Variants in TMOD2 observed in about 807,000 individuals in gnomAD.
The protein encoded by TMOD2 is tropomodulin 2.
In TMOD2, 22 loss-of-function variants were observed where a neutral mutation model predicts 39.9. The ratio of observed to expected loss-of-function variants is 0.55; its 90% confidence interval spans 0.39 to 0.79. The LOEUF (loss-of-function observed/expected upper bound fraction) is 0.79. Among genes scored for constraint, TMOD2 ranks in the 30% least tolerant of loss-of-function variants. The probability of loss-of-function intolerance (pLI) is 0.00; values close to 1 mark genes in which losing one functional copy is unlikely to be tolerated. For synonymous variants in TMOD2, 123 were observed against 146.1 expected, an observed-to-expected ratio of 0.84 and a Z score of 1.14; for missense variants, 386 against 413.3, an observed-to-expected ratio of 0.93 and a Z score of 0.57.
chr15:51,793,210 C>G (rs185867214), intron 7 of TMOD2, among the ~76,000 whole-genome samples: 82 of 152,262 alleles, frequency 5.4e-4, no homozygotes, highest in Admixed American at 4.8e-3. Flanking sequence ...ATAGCCTCAT[C>G]ATAAGTCAAG....
intron 7 of TMOD2, among the ~76,000 whole-genome samples, chr15:51,786,791 A>T (rs545158750): frequency 6.6e-6 from 1 of 152,250 alleles, no homozygotes; most frequent in South Asian, 2.1e-4. Flanking sequence ...GTTATTTACA[A>T]TGATGCCACA....
intron 7 of TMOD2, among the ~76,000 whole-genome samples, chr15:51,797,629 C>G (rs574883766): frequency 6.6e-6 from 1 of 152,054 alleles, no homozygotes; most frequent in Non-Finnish European, 1.5e-5. Flanking sequence ...GGCAGGTGCC[C>G]GTGTGCAGTC....
At chr15:51,769,028 G>T (rs1313969820) in intron 3 of TMOD2, among the ~76,000 whole-genome samples, 1 of 152,240 alleles carries the variant, frequency 6.6e-6, no homozygotes, top group African/African-American at 2.4e-5. Flanking sequence ...GTCCATGATG[G>T]TTCATCAGTT....
At chr15:51,768,487 C>T in intron 3 of TMOD2, 69 bp downstream of exon 3, 3 of 1,442,626 alleles carry the variant, frequency 2.1e-6, no homozygotes, top group Non-Finnish European at 2.8e-6. Context: ...CGGAGGCACT[C>T]TTAATTAAGA....
At chr15:51,769,053 G>A (rs945920220) in intron 3 of TMOD2, among the ~76,000 whole-genome samples, 6 of 152,228 alleles carry the variant, frequency 3.9e-5, no homozygotes, top group Admixed American at 1.3e-4. Flanking sequence ...TATAAGTATC[G>A]CTATGGTATA....
At chr15:51,786,966 T>C (rs1488137446) in intron 7 of TMOD2, among the ~76,000 whole-genome samples, 1 of 152,180 alleles carries the variant, frequency 6.6e-6, no homozygotes, top group East Asian at 1.9e-4. Context: ...TTCATCTCAC[T>C]GGGACTGGTT....
At chr15:51,768,564 G>C (rs1170777608) in intron 3 of TMOD2, 146 bp downstream of exon 3, 65 of 874,686 alleles carry the variant, frequency 7.4e-5, no homozygotes, top group Non-Finnish European at 1.0e-4. Flanking sequence ...TGGGAAATAA[G>C]CCCATGAATT....
chr15:51,778,008 A>G (rs2055900678), intron 5 of TMOD2, among the ~76,000 whole-genome samples: 1 of 151,568 alleles, frequency 6.6e-6, no homozygotes. Context: ...AAGGACTATA[A>G]ATCATGCTGC....
intron 7 of TMOD2, among the ~76,000 whole-genome samples, chr15:51,795,393 C>G (rs2056041032): frequency 6.6e-6 from 1 of 151,236 alleles, no homozygotes; most frequent in South Asian, 2.1e-4. Flanking sequence ...CCACTGCACT[C>G]CAGCCTGGGC....
In TMOD2 at chr15:51,773,827, T is replaced by C; in HGVS notation, c.399T>C (p.Asp133=). The C allele has an allele frequency of 6.2e-7, 1 of 1,608,854 alleles. No homozygotes were observed. Among genetic ancestry groups the C allele is most frequent in the Non-Finnish European group, 8.5e-7 (1 of 1,178,302 alleles). ...GTGCCTCTGACACCGAACTCTATGA[T>C]CTTGCAGGTTAGTCCTGAACTCTGG... ...LASASDTELY[D]LAAVLGVHNL... is the part of the protein sequence containing the mutation. Residue 133 remains aspartate (D), a synonymous_variant, in exon 4 of 10, where the codon GAT becomes GAC. Coordinates refer to ENST00000249700, the MANE Select transcript of TMOD2 (RefSeq NM_014548.4).
chr15:51,794,854 T>C (rs2056037078), intron 7 of TMOD2, among the ~76,000 whole-genome samples: 1 of 152,214 alleles, frequency 6.6e-6, no homozygotes, highest in Non-Finnish European at 1.5e-5. Context: ...ATTGTAGATA[T>C]TCCATTATTT....
intron 9 of TMOD2, among the ~76,000 whole-genome samples, chr15:51,807,513 C>T (rs2056128733): frequency 6.6e-6 from 1 of 152,128 alleles, no homozygotes. Context: ...AAGGGACAGA[C>T]AGGCAAATAG....
intron 7 of TMOD2, among the ~76,000 whole-genome samples, chr15:51,789,241 C>G (rs2055992593): frequency 6.6e-6 from 1 of 152,086 alleles, no homozygotes; most frequent in African/African-American, 2.4e-5. Flanking sequence ...TTTAAACTAA[C>G]AAAGATCAAA....
At chr15:51,760,238 G>A (rs544602134) in intron 1 of TMOD2, among the ~76,000 whole-genome samples, 1 of 152,328 alleles carries the variant, frequency 6.6e-6, no homozygotes, top group Admixed American at 6.5e-5. Context: ...TACTTTTGTG[G>A]AAGTTAGAAG....
At chr15:51,779,962 G>A (rs1350291794) in intron 5 of TMOD2, among the ~76,000 whole-genome samples, 3 of 152,170 alleles carry the variant, frequency 2.0e-5, no homozygotes, top group Non-Finnish European at 4.4e-5. Flanking sequence ...GATTATAGGT[G>A]TGAGCCACCA....
intron 3 of TMOD2, among the ~76,000 whole-genome samples, chr15:51,773,296 G>C (rs2055865416): frequency 6.6e-6 from 1 of 152,198 alleles, no homozygotes; most frequent in Non-Finnish European, 1.5e-5. Flanking sequence ...CTATATGCTG[G>C]ATGGGCATAT....
intron 8 of TMOD2, among the ~76,000 whole-genome samples, chr15:51,804,212 A>G (rs912661548): frequency 2.6e-5 from 4 of 152,240 alleles, no homozygotes; most frequent in Non-Finnish European, 4.4e-5. Flanking sequence ...GTAAGTCACT[A>G]AGGCCTGGCT....
chr15:51,766,160 C>T (rs368803646), intron 1 of TMOD2, among the ~76,000 whole-genome samples: 3 of 152,306 alleles, frequency 2.0e-5, no homozygotes, highest in African/African-American at 4.8e-5. Flanking sequence ...CGGGCTTCCT[C>T]ACAGGATTGT....
At chr15:51,803,072 A>G (rs908840043) in intron 8 of TMOD2, among the ~76,000 whole-genome samples, 3 of 152,230 alleles carry the variant, frequency 2.0e-5, no homozygotes, top group African/African-American at 7.2e-5. Flanking sequence ...CTAGCAGAGC[A>G]ATAAAGCAGA....
Sources: allele counts gnomAD v4.1 joint callset (sites outside exome capture counted in the v4.1 genomes callset), GRCh38; gene constraint gnomAD v4.1.1; transcripts MANE v1.5; gene names NCBI Gene and HGNC (gene_info 2026-07-23, HGNC 2026-07-21).